Variants in C2CD3 observed in about 807,000 individuals in gnomAD.
C2CD3 encodes C2 domain containing 3 centriole elongation regulator, also known as C2 domain-containing protein 3.
Under a neutral mutation model 234.0 loss-of-function variants are expected in C2CD3, and 148 were observed. That is an observed-to-expected ratio of 0.63 (90% CI 0.55 to 0.72). C2CD3 has a LOEUF of 0.72. C2CD3 is among the 30% of genes least tolerant of loss of function. The probability of loss-of-function intolerance (pLI) is 0.00; values close to 1 mark genes in which losing one functional copy is unlikely to be tolerated. For synonymous variants in C2CD3, 1,000 were observed against 1,035.4 expected (o/e 0.97, Z 0.66); for missense variants, 2,577 against 2,811.5 (o/e 0.92, Z 1.89).
Position 74,037,639 on chromosome 11 carries a change from G to C in C2CD3, c.5720C>G (p.Pro1907Arg), listed in dbSNP as rs144462559. The C allele has an allele frequency of 2.5e-6, 4 of 1,613,976 alleles. No individual in the cohort carries two copies. Among genetic ancestry groups the C allele is most frequent in the Non-Finnish European group, 2.5e-6 (3 of 1,180,004 alleles). Residue 1907 changes from proline (P) to arginine (R), a missense_variant, in exon 30 of 33, where the codon CCT (proline) becomes CGT (arginine). By Grantham distance (103) the Pro-to-Arg change is moderately radical. Coordinates refer to ENST00000334126, the MANE Select transcript of C2CD3 (RefSeq NM_001286577.2). ...QRYFRQKLTK[P>R]FLPLSPQTQT... Reference sequence around the variant, plus strand: ...AGTCTGAGGGCTGAGGGGTAGGAAAGGCTTGGTGAGCTTCTGGCGGAAGTA... The same window carrying C: ...AGTCTGAGGGCTGAGGGGTAGGAAACGCTTGGTGAGCTTCTGGCGGAAGTA...
chr11:74,164,582 G>A (rs146930403), intron 2 of C2CD3, among the ~76,000 whole-genome samples: 626 of 152,242 alleles, frequency 4.1e-3, no homozygotes, highest in Middle Eastern at 6.8e-3. Context: ...CGTTGCAAAT[G>A]TACAGGGCCT....
chr11:74,062,779 C>A, intron 24 of C2CD3, among the ~76,000 whole-genome samples: 1 of 149,360 alleles, frequency 6.7e-6, no homozygotes, highest in South Asian at 2.1e-4. Flanking sequence ...AAGATCAGAG[C>A]AGAATTGAAG....
chr11:74,116,735 T>C (rs1956938773), intron 9 of C2CD3, among the ~76,000 whole-genome samples: 1 of 150,628 alleles, frequency 6.6e-6, no homozygotes. Context: ...TAAATGCCCA[T>C]CAATCAATGA....
intron 3 of C2CD3, among the ~76,000 whole-genome samples, chr11:74,142,706 A>G (rs1307612393): frequency 6.6e-6 from 1 of 152,138 alleles, no homozygotes; most frequent in Non-Finnish European, 1.5e-5. Context: ...CATTAGAGGC[A>G]GAGGGAAAAG....
At chr11:74,149,544 C>T (rs751686410) in intron 3 of C2CD3, among the ~76,000 whole-genome samples, 6 of 151,004 alleles carry the variant, frequency 4.0e-5, no homozygotes, top group Admixed American at 1.3e-4. Flanking sequence ...GAACTTTTTG[C>T]CAGTTATCGA....
chr11:74,117,185 AAT>A (rs1174770378), intron 9 of C2CD3, among the ~76,000 whole-genome samples: 1 of 20,790 alleles, frequency 4.8e-5, no homozygotes, highest in African/African-American at 3.2e-4. Flanking sequence ...TATATATATG[AAT>A]ATATATATAT....
At position 74,139,720 on chromosome 11, in the gene C2CD3, T is replaced by G. The variant is rs1351643775; in HGVS notation, c.592A>C (p.Asn198His). The change falls in exon 4 of 33, where the codon AAT becomes CAT. Residue 198 changes from asparagine to histidine, a missense_variant. Asn to His is a moderately conservative substitution (Grantham distance 68). Transcript: ENST00000334126. ...AACTGGGTACTGCTGGGTTCAGTAT[T>G]CTCTCTGAATCCCTGCTTAGATAAA... ...VLLSKQGFRENTEPSSTQFQV... is the reference protein window; with the variant it reads ...VLLSKQGFREHTEPSSTQFQV... 6.2e-7 allele frequency: 1 copy of G among 1,611,886 alleles called. No homozygotes were observed. Among genetic ancestry groups the G allele is most frequent in the Non-Finnish European group, 8.5e-7 (1 of 1,178,072 alleles).
At chr11:74,170,405 T>G (rs1857097803) in intron 1 of C2CD3, among the ~76,000 whole-genome samples, 1 of 152,192 alleles carries the variant, frequency 6.6e-6, no homozygotes, top group Non-Finnish European at 1.5e-5. Context: ...TTATGTTTCT[T>G]CCTGTCCCTG....
chr11:74,125,478 A>G (rs1334460634), intron 7 of C2CD3, among the ~76,000 whole-genome samples: 2 of 152,166 alleles, frequency 1.3e-5, no homozygotes, highest in Non-Finnish European at 2.9e-5. Flanking sequence ...GAAGTGACAC[A>G]TTAATATACT....
chr11:74,109,132 A>G lies in C2CD3; in HGVS notation c.1864T>C (p.Phe622Leu). The change falls in exon 12 of 33, where the codon TTT (phenylalanine) becomes CTT (leucine). Residue 622 changes from phenylalanine (F) to leucine (L), a missense_variant. Transcript: ENST00000334126. Reference protein sequence around the residue: ...TDGKVKFQQRFVFPVQFGGPM... With the variant: ...TDGKVKFQQRLVFPVQFGGPM... ...CCACCAAACTGTACTGGAAACACAA[A>G]TCGCTGCTGGAACTTCACCTCTGTA... 1 of 1,582,036 alleles carries G rather than the reference A, an allele frequency of 6.3e-7. No homozygotes were observed. The highest frequency in any genetic ancestry group is 8.6e-7 in the Non-Finnish European group (1 of 1,166,118).
intron 3 of C2CD3, among the ~76,000 whole-genome samples, chr11:74,159,657 TA>T (rs57331081): frequency 0.28 from 43,025 of 151,646 alleles, 7,092 homozygotes; most frequent in African/African-American, 0.46. Flanking sequence ...GTCAAAAAGT[TA>T]AAAAAAAATT....
chr11:74,136,362 G>A (rs1276300242), intron 5 of C2CD3, among the ~76,000 whole-genome samples: 1 of 152,198 alleles, frequency 6.6e-6, no homozygotes, highest in Admixed American at 6.5e-5. Flanking sequence ...CCCATGGGTT[G>A]TGCATGGCAT....
chr11:74,060,067 G>A (rs541156792), intron 24 of C2CD3, among the ~76,000 whole-genome samples: 4 of 152,202 alleles, frequency 2.6e-5, no homozygotes, highest in Non-Finnish European at 4.4e-5. Context: ...GTGAGGCTGG[G>A]GGAAGGATGT....
chr11:74,048,791 C>CTG (rs774776265), intron 27 of C2CD3, among the ~76,000 whole-genome samples: 2 of 152,216 alleles, frequency 1.3e-5, no homozygotes, highest in Non-Finnish European at 2.9e-5. Flanking sequence ...GATGACCACT[C>CTG]TGTGCCAGAC....
chr11:74,052,738 T>G (rs563476150), intron 26 of C2CD3, among the ~76,000 whole-genome samples: 3 of 152,176 alleles, frequency 2.0e-5, no homozygotes, highest in Non-Finnish European at 4.4e-5. Context: ...AGCAGCAACA[T>G]AGAACTCATC....
At chr11:74,114,043 T>C in intron 10 of C2CD3, 151 bp from the exon 11 acceptor site, 2 of 600,666 alleles carry the variant, frequency 3.3e-6, no homozygotes, top group Non-Finnish European at 5.8e-6. Flanking sequence ...CAACCCTGTC[T>C]GAGAGAATCA....
At chr11:74,074,903 G>A (rs957800166) in intron 23 of C2CD3, among the ~76,000 whole-genome samples, 1 of 150,640 alleles carries the variant, frequency 6.6e-6, no homozygotes, top group Non-Finnish European at 1.5e-5. Context: ...GGGCAACATG[G>A]TAAAACCCTA....
intron 23 of C2CD3, 28 bp from the exon 24 acceptor site, chr11:74,074,628 T>TA (rs776226231): frequency 1.7e-5 from 27 of 1,559,834 alleles, no homozygotes; most frequent in South Asian, 3.5e-5. Context: ...AGAATAAGGC[T>TA]AGTCAAGCAG....
chr11:74,092,160 C>A (rs1208833165), intron 19 of C2CD3, among the ~76,000 whole-genome samples: 1 of 151,752 alleles, frequency 6.6e-6, no homozygotes, highest in African/African-American at 2.4e-5. Context: ...TCAAGCAATT[C>A]TTCTGCCTCA....
Sources: allele counts gnomAD v4.1 joint callset (sites outside exome capture counted in the v4.1 genomes callset), GRCh38; gene constraint gnomAD v4.1.1; transcripts MANE v1.5; gene names NCBI Gene and HGNC (gene_info 2026-07-23, HGNC 2026-07-21).